The following IRAK1BP1 variants were observed in gnomAD, a reference collection of about 807,000 sequenced individuals.
The protein encoded by IRAK1BP1 is interleukin-1 receptor-associated kinase 1-binding protein 1.
A neutral mutation model predicts 28.0 loss-of-function variants in IRAK1BP1; 24 were observed. The observed-to-expected ratio is 0.86, with a 90% CI of 0.62 to 1.20. IRAK1BP1 has a LOEUF of 1.20. IRAK1BP1 is among the 50% of genes most tolerant of loss of function. The pLI is 0.00. For missense variants in IRAK1BP1, 336 were observed against 316.7 expected, an observed-to-expected ratio of 1.06 and a Z score of -0.46; for synonymous variants, 131 against 116.3, an observed-to-expected ratio of 1.13 and a Z score of -0.81.
At chr6:78,897,256 T>TA (rs749859007) in intron 2 of IRAK1BP1, among the ~76,000 whole-genome samples, 14,947 of 110,856 alleles carry the variant, frequency 0.13, 1,307 homozygotes, top group African/African-American at 0.24. Context: ...TTGTCTCTCT[T>TA]AAAAAAAAAA....
At chr6:78,870,696 T>C (rs762893265) in intron 1 of IRAK1BP1, among the ~76,000 whole-genome samples, 18 of 152,118 alleles carry the variant, frequency 1.2e-4, no homozygotes, top group Non-Finnish European at 2.4e-4. Flanking sequence ...CTTTTCATTG[T>C]TCATTTTTGT....
At position 78,870,565 on chromosome 6, in the gene IRAK1BP1, G is replaced by T. The variant is rs761777168; in HGVS notation, c.315+2674G>T. ...GAACAAATTATTCAGCTATGGTATA[G>T]ATCATAGATTTATGAACTTGTGTGA... is the stretch of plus-strand genomic sequence containing the variant. On this transcript the variant is annotated intron_variant, in intron 1 of 3. Coordinates refer to ENST00000369940, the MANE Select transcript of IRAK1BP1 (RefSeq NM_001010844.4). Among the ~76,000 whole-genome samples the T allele has an allele frequency of 3.3e-5, 5 of 152,150 alleles. 1 individual carries two copies. The South Asian group carries it at 6.2e-4, about 19-fold the overall frequency.
At chr6:78,883,248 A>G (rs968636340) in intron 1 of IRAK1BP1, among the ~76,000 whole-genome samples, 6 of 152,172 alleles carry the variant, frequency 3.9e-5, no homozygotes, top group African/African-American at 1.4e-4. Flanking sequence ...ACAGCAAAGC[A>G]AGACCCTGTC....
intron 1 of IRAK1BP1, chr6:78,871,669 T>C: frequency 3.0e-6 from 1 of 329,254 alleles, no homozygotes; most frequent in Non-Finnish European, 4.4e-6. Flanking sequence ...GGGCTGTTTA[T>C]AGATGAGAAC....
At chr6:78,958,787 C>T in the IRAK1BP1 span, among the ~76,000 whole-genome samples, 1 of 151,936 alleles carries the variant, frequency 6.6e-6, no homozygotes, top group Non-Finnish European at 1.5e-5. Flanking sequence ...GAGGGGCAAC[C>T]ATAACTACGT....
At chr6:78,954,395 C>T in the IRAK1BP1 span, among the ~76,000 whole-genome samples, 1 of 152,144 alleles carries the variant, frequency 6.6e-6, no homozygotes, top group Admixed American at 6.5e-5. Flanking sequence ...CATGAGCCAC[C>T]GTGCCCAGCC....
chr6:78,915,939 G>A (rs1772548834), intron 4 of IRAK1BP1, among the ~76,000 whole-genome samples: 1 of 152,056 alleles, frequency 6.6e-6, no homozygotes, highest in South Asian at 2.1e-4. Flanking sequence ...ACCAGTCAAG[G>A]GTGTCCATGA....
Position 78,921,941 on chromosome 6 carries a change from C to G in IRAK1BP1, c.*67+18831C>G, listed in dbSNP as rs147513567. Among the ~76,000 whole-genome samples the G allele has an allele frequency of 6.3e-4, 96 of 152,240 alleles. 1 individual carries two copies. In the South Asian group the frequency reaches 8.1e-3, roughly 13 times the overall value. On this transcript the variant is annotated intron_variant and NMD_transcript_variant, in intron 4 of 4. Transcript: ENST00000606868. Reference sequence around the variant, plus strand: ...CCATCTGTACATCACCATCATCAAACACCAAAGGTAGATAAAACCACAAAG... The same window carrying G: ...CCATCTGTACATCACCATCATCAAAGACCAAAGGTAGATAAAACCACAAAG...
At chr6:78,942,278 T>A (rs748084090) in intron 4 of IRAK1BP1, among the ~76,000 whole-genome samples, 6 of 151,926 alleles carry the variant, frequency 3.9e-5, no homozygotes, top group Non-Finnish European at 8.8e-5. Context: ...AGGTCAGGAG[T>A]TCGAGACCAG....
exon 5 of IRAK1BP1, chr6:78,945,956 TAAG>T: frequency 7.0e-7 from 1 of 1,423,862 alleles, no homozygotes; most frequent in Non-Finnish European, 9.8e-7. Context: ...AAGCTTAAAT[TAAG>T]AAAATCATCA....
At chr6:78,978,878 A>G in the IRAK1BP1 span, among the ~76,000 whole-genome samples, 1 of 152,174 alleles carries the variant, frequency 6.6e-6, no homozygotes, top group Non-Finnish European at 1.5e-5. Context: ...ACATCCATGC[A>G]TTCAACCAAC....
chr6:78,871,975 T>C (rs908601917), intron 1 of IRAK1BP1: 1 of 512,772 alleles, frequency 2.0e-6, no homozygotes, highest in Non-Finnish European at 3.4e-6. Flanking sequence ...CGGAATCCAC[T>C]CTCTGCAAAT....
At chr6:78,885,248 A>C (rs895419535) in intron 1 of IRAK1BP1, 130 bp from the exon 2 acceptor site, 2 of 551,916 alleles carry the variant, frequency 3.6e-6, no homozygotes, top group African/African-American at 2.0e-5. Flanking sequence ...AAGTTTTAAA[A>C]CATCAGGCAA....
chr6:78,912,942 T>C (rs555280747), intron 4 of IRAK1BP1, among the ~76,000 whole-genome samples: 1 of 152,310 alleles, frequency 6.6e-6, no homozygotes, highest in South Asian at 2.1e-4. Flanking sequence ...TATTTGAATG[T>C]TTATAATTCA....
At chr6:78,971,801 G>A in the IRAK1BP1 span, among the ~76,000 whole-genome samples, 6 of 152,272 alleles carry the variant, frequency 3.9e-5, no homozygotes, top group East Asian at 1.9e-4. Context: ...ACTCCCACCC[G>A]AATACTGCGC....
intron 4 of IRAK1BP1, among the ~76,000 whole-genome samples, chr6:78,932,415 CTTTT>C (rs1156772177): frequency 1.0e-3 from 124 of 120,056 alleles, no homozygotes; most frequent in African/African-American, 3.3e-3. Flanking sequence ...TCTTTTCTTT[CTTTT>C]TCTTTTTTTT....
At chr6:78,967,005 C>G in the IRAK1BP1 span, among the ~76,000 whole-genome samples, 2 of 152,160 alleles carry the variant, frequency 1.3e-5, no homozygotes, top group Admixed American at 1.3e-4. Context: ...TATTAAAGCA[C>G]TCCACATTTT....
At chr6:78,959,538 CTG>C in the IRAK1BP1 span, among the ~76,000 whole-genome samples, 34 of 152,166 alleles carry the variant, frequency 2.2e-4, no homozygotes, top group African/African-American at 7.7e-4. Context: ...GAAAAACAAA[CTG>C]TAAGAAGTCT....
the IRAK1BP1 span, among the ~76,000 whole-genome samples, chr6:78,959,809 T>A: frequency 6.6e-6 from 1 of 152,188 alleles, no homozygotes; most frequent in Admixed American, 6.5e-5. Flanking sequence ...GTTCCTCAAC[T>A]AACGATGGTG....
Sources: gnomAD v4.1 joint callset for allele counts (sites outside exome capture counted in the v4.1 genomes callset) on GRCh38, gnomAD v4.1.1 for gene constraint, MANE v1.5 for transcripts, NCBI Gene and HGNC (gene_info 2026-07-23, HGNC 2026-07-21) for gene names.